Variants in PAG1 observed in about 807,000 individuals in gnomAD.
PAG1 encodes phosphoprotein associated with glycosphingolipid-enriched microdomains 1.
PAG1 carries 23 observed loss-of-function variants against 31.7 expected under a neutral mutation model. That is an observed-to-expected ratio of 0.73 (90% CI 0.52 to 1.03). The LOEUF (loss-of-function observed/expected upper bound fraction) is 1.03, where lower values mean the gene tolerates loss of function less well. Ranked by LOEUF, PAG1 falls within the 50% of genes least tolerant of loss-of-function variation. PAG1 has a pLI of 0.00. For synonymous variants in PAG1, 214 were observed against 210.3 expected (o/e 1.02, Z -0.15); for missense variants, 473 against 540.7 (o/e 0.87, Z 1.24).
At chr8:81,082,804 A>T (rs1235204658) in intron 1 of PAG1, among the ~76,000 whole-genome samples, 1 of 152,170 alleles carries the variant, frequency 6.6e-6, no homozygotes, top group Admixed American at 6.5e-5. Flanking sequence ...ATTTGCATCC[A>T]GCATGTTTAG....
chr8:81,080,046 A>T (rs1809240699), intron 1 of PAG1, among the ~76,000 whole-genome samples: 1 of 152,278 alleles, frequency 6.6e-6, no homozygotes, highest in South Asian at 2.1e-4. Context: ...CTGGGATTAC[A>T]GGCATGAGCC....
intron 2 of PAG1, among the ~76,000 whole-genome samples, chr8:81,054,446 G>A (rs769740584): frequency 6.6e-6 from 1 of 152,214 alleles, no homozygotes; most frequent in East Asian, 1.9e-4. Context: ...AGTCCAAGGC[G>A]GGCGGATCAC....
intron 2 of PAG1, among the ~76,000 whole-genome samples, chr8:81,043,350 C>A (rs1482905821): frequency 6.6e-6 from 1 of 152,342 alleles, no homozygotes; most frequent in East Asian, 1.9e-4. Flanking sequence ...CCTAATCCCA[C>A]AGGTAAGCAC....
chr8:81,016,191 A>C (rs1808069588), intron 3 of PAG1, among the ~76,000 whole-genome samples: 1 of 152,200 alleles, frequency 6.6e-6, no homozygotes, highest in African/African-American at 2.4e-5. Context: ...AAAACTGTAG[A>C]ATGAGCTGCT....
intron 3 of PAG1, among the ~76,000 whole-genome samples, chr8:81,020,239 T>C (rs540309335): frequency 6.6e-6 from 1 of 152,318 alleles, no homozygotes; most frequent in East Asian, 1.9e-4. Flanking sequence ...TTTGAGGTGA[T>C]GCTGAAATGA....
intron 8 of PAG1, among the ~76,000 whole-genome samples, chr8:80,979,092 C>T (rs1010405016): frequency 1.3e-5 from 2 of 152,186 alleles, no homozygotes; most frequent in Non-Finnish European, 2.9e-5. Flanking sequence ...TATTTTTCCT[C>T]TTTGTCCTAA....
intron 2 of PAG1, among the ~76,000 whole-genome samples, chr8:81,056,950 C>G (rs1808833889): frequency 1.3e-5 from 2 of 152,278 alleles, no homozygotes; most frequent in East Asian, 1.9e-4. Context: ...ATTTATGCAG[C>G]CAACAGACAC....
rs1320035941 is a variant in PAG1, at chr8:80,990,651, C to T, written c.177+828G>A. 4.6e-5 allele frequency among the ~76,000 whole-genome samples: 7 copies of T among 152,160 alleles called. No individual in the cohort carries two copies. The highest frequency in any genetic ancestry group is 6.5e-5 in the Admixed American group (1 of 15,296). On this transcript the variant is annotated intron_variant, in intron 5 of 8. Coordinates refer to ENST00000220597, the MANE Select transcript of PAG1 (RefSeq NM_018440.4). This position sits in a 1 kb window ranked among gnomAD's most constrained non-coding sequence, Gnocchi z 5.1. Reference sequence around the variant, plus strand: ...ACCTGGACACTCTCAGGCTGTTCCTCGCCAGGGTGGATCCCTGAGGGCCTC... The same window carrying T: ...ACCTGGACACTCTCAGGCTGTTCCTTGCCAGGGTGGATCCCTGAGGGCCTC...
At chr8:81,094,631 T>A (rs939904735) in intron 1 of PAG1, among the ~76,000 whole-genome samples, 2 of 152,118 alleles carry the variant, frequency 1.3e-5, no homozygotes, top group Non-Finnish European at 2.9e-5. Context: ...ATATATATAT[T>A]TTCCCCTAGA....
At chr8:81,003,093 A>G (rs947691143) in intron 3 of PAG1, among the ~76,000 whole-genome samples, 3 of 152,090 alleles carry the variant, frequency 2.0e-5, no homozygotes, top group Non-Finnish European at 4.4e-5. Flanking sequence ...AGAATTCTGA[A>G]CCTTCCCCCA....
intron 3 of PAG1, among the ~76,000 whole-genome samples, chr8:81,025,193 A>G (rs1808254341): frequency 6.6e-6 from 1 of 152,044 alleles, no homozygotes; most frequent in African/African-American, 2.4e-5. Flanking sequence ...CACTGACCAA[A>G]TGATGTTGAC....
Position 80,990,606 on chromosome 8 carries a change from G to A in PAG1, c.177+873C>T, listed in dbSNP as rs1807520596. ...CAGCCATTCAAAAGCACGGGCCTGG[G>A]TCAGAGAGGACAAGGAAGGACCTGG... On this transcript the variant is annotated intron_variant, in intron 5 of 8. Transcript: ENST00000220597. The surrounding 1 kb of genome is among the most constrained non-coding windows in gnomAD (Gnocchi z 5.1). Among the ~76,000 whole-genome samples, 1 of 152,142 alleles carries A rather than the reference G, an allele frequency of 6.6e-6. No individual in the cohort carries two copies. The highest frequency in any genetic ancestry group is 2.1e-4 in the South Asian group (1 of 4,824).
chr8:81,016,885 AC>A (rs1329887347), intron 3 of PAG1, among the ~76,000 whole-genome samples: 1 of 152,134 alleles, frequency 6.6e-6, no homozygotes, highest in Non-Finnish European at 1.5e-5. Flanking sequence ...GGAAACCCTA[AC>A]TCCATATTCC....
intron 4 of PAG1, among the ~76,000 whole-genome samples, chr8:80,992,492 T>C (rs1362721254): frequency 6.6e-6 from 1 of 152,206 alleles, no homozygotes; most frequent in Non-Finnish European, 1.5e-5. Context: ...GAAACATCAC[T>C]TCTGGTTAGA....
At chr8:81,059,989 G>A (rs1174785122) in intron 2 of PAG1, among the ~76,000 whole-genome samples, 4 of 151,480 alleles carry the variant, frequency 2.6e-5, no homozygotes, top group African/African-American at 9.7e-5. Context: ...CTGCACTCCA[G>A]CCTGGGCAAA....
chr8:81,033,898 G>A (rs16908391), intron 2 of PAG1, among the ~76,000 whole-genome samples: 2,632 of 152,306 alleles, frequency 0.017, 67 homozygotes, highest in African/African-American at 0.06. Context: ...GTGTTTTCTC[G>A]AGGTTATATC....
chr8:81,037,928 C>G (rs1808487035), intron 2 of PAG1, among the ~76,000 whole-genome samples: 1 of 152,194 alleles, frequency 6.6e-6, no homozygotes, highest in Admixed American at 6.5e-5. Context: ...ATTTATAGAG[C>G]TTTGATTGTC....
intron 3 of PAG1, among the ~76,000 whole-genome samples, chr8:81,013,454 CA>C (rs1234062117): frequency 6.6e-6 from 1 of 152,192 alleles, no homozygotes; most frequent in African/African-American, 2.4e-5. Flanking sequence ...CCCCTGGGGT[CA>C]TCCTCCAGGG....
intron 2 of PAG1, among the ~76,000 whole-genome samples, chr8:81,031,353 G>A (rs965563163): frequency 1.3e-5 from 2 of 152,218 alleles, no homozygotes; most frequent in Non-Finnish European, 2.9e-5. Context: ...CTAGGAGACA[G>A]AGCTTCGCTG....
Sources: gnomAD v4.1 joint callset for allele counts (sites outside exome capture counted in the v4.1 genomes callset) on GRCh38, gnomAD v4.1.1 for gene constraint, Gnocchi (gnomAD v3.1) non-coding constraint, MANE v1.5 for transcripts, NCBI Gene and HGNC (gene_info 2026-07-23, HGNC 2026-07-21) for gene names.